The following BRCA2 variants were observed in gnomAD, a reference collection of about 807,000 sequenced individuals.
The protein encoded by BRCA2 is breast cancer type 2 susceptibility protein.
A neutral mutation model predicts 276.7 loss-of-function variants in BRCA2; 203 were observed. That is an observed-to-expected ratio of 0.73 (90% confidence interval 0.65 to 0.82). The LOEUF is 0.82. Among genes scored for constraint, BRCA2 ranks in the 40% least tolerant of loss-of-function variants. BRCA2 has a pLI of 0.00. For synonymous variants in BRCA2, 1,289 were observed against 1,338.4 expected (o/e 0.96, Z 0.81); for missense variants, 3,920 against 3,915.0 (o/e 1.00, Z -0.03).
chr13:32,353,602 TTGTC>T (rs1399828764), intron 13 of BRCA2, among the ~76,000 whole-genome samples: 1 of 152,206 alleles, frequency 6.6e-6, no homozygotes, highest in African/African-American at 2.4e-5. Context: ...ACATATTTGT[TTGTC>T]TGTTTCCTTC....
At chr13:32,390,922 CT>C (rs1402080022) in intron 24 of BRCA2, among the ~76,000 whole-genome samples, 1 of 152,192 alleles carries the variant, frequency 6.6e-6, no homozygotes, top group East Asian at 1.9e-4. Flanking sequence ...TATCATCCCA[CT>C]TTACAGATGG....
chr13:32,341,841 C>T (rs1156644731), intron 11 of BRCA2, among the ~76,000 whole-genome samples: 2 of 150,582 alleles, frequency 1.3e-5, no homozygotes, highest in East Asian at 2.0e-4. Flanking sequence ...GCACTCCAGC[C>T]TGGGCGACAG....
rs562881210 is a variant in BRCA2, at chr13:32,398,431, C to A, written c.9918C>A (p.Thr3306=). ...KAFQPPRSCG[T]KYETPIKKKE... ...TTCAGCCACCAAGGAGTTGTGGCACCAAATACGAAACACCCATAAAGAAAA... is the reference window on the plus strand; with the variant it reads ...TTCAGCCACCAAGGAGTTGTGGCACAAAATACGAAACACCCATAAAGAAAA... Residue 3306 remains threonine, a synonymous_variant, in exon 27 of 27, where the codon ACC becomes ACA. Coordinates refer to ENST00000380152, the MANE Select transcript of BRCA2 (RefSeq NM_000059.4). The A allele has an allele frequency of 3.1e-6, 5 of 1,614,126 alleles. No homozygotes were observed. Among genetic ancestry groups the A allele is most frequent in the South Asian group, 2.2e-5 (2 of 91,088 alleles).
Position 32,326,255 on chromosome 13 carries a change from T to TG in BRCA2, c.489_490insG (p.Leu164ValfsTer19), listed in dbSNP as rs120074205. The TG allele has an allele frequency of 6.2e-7, 1 of 1,613,294 alleles. No homozygotes were observed. Among genetic ancestry groups the TG allele is most frequent in the African/African-American group, 1.3e-5 (1 of 74,876 alleles). On this transcript the variant is annotated frameshift_variant, in exon 6 of 27. Coordinates refer to ENST00000380152, the MANE Select transcript of BRCA2 (RefSeq NM_000059.4). LOFTEE classifies it high-confidence loss of function. The stretch of plus-strand genomic sequence containing the variant: ...TTTTACCCCCAGTGGTATGTGGGAG[T>TG]TTGTTTCATACACCAAAGTTTGTGA...
At chr13:32,317,989 A>G (rs757324626) in intron 2 of BRCA2, among the ~76,000 whole-genome samples, 2 of 152,216 alleles carry the variant, frequency 1.3e-5, no homozygotes, top group Non-Finnish European at 2.9e-5. Flanking sequence ...TTTGTCAGAG[A>G]TTATTAAAAG....
chr13:32,372,225 C>T (rs1382204448), intron 20 of BRCA2, among the ~76,000 whole-genome samples: 1 of 152,168 alleles, frequency 6.6e-6, no homozygotes, highest in Non-Finnish European at 1.5e-5. Flanking sequence ...TATTCTAAAT[C>T]CTTTGTTGTC....
chr13:32,335,302 G>A (rs2072439535), intron 10 of BRCA2, among the ~76,000 whole-genome samples: 1 of 143,680 alleles, frequency 7.0e-6, no homozygotes, highest in Admixed American at 7.3e-5. Context: ...CTGAGATCAC[G>A]CCACTGCACT....
chr13:32,336,148 T>C (rs1268743562), intron 10 of BRCA2, 117 bp from the exon 11 acceptor site: 4 of 1,176,932 alleles, frequency 3.4e-6, no homozygotes, highest in Non-Finnish European at 4.7e-6. Flanking sequence ...CCAAAAGTGC[T>C]GAGATTACAG....
chr13:32,333,811 C>T (rs2072429051), intron 10 of BRCA2, among the ~76,000 whole-genome samples: 1 of 152,140 alleles, frequency 6.6e-6, no homozygotes, highest in Admixed American at 6.6e-5. Context: ...GTGTTGTTCC[C>T]CTCCCTGTGT....
rs80358718 is a variant in BRCA2, at chr13:32,339,280, A to C, written c.4925A>C (p.Asn1642Thr). The C allele has an allele frequency of 2.5e-6, 4 of 1,608,150 alleles. No homozygotes were observed. Residue 1642 changes from asparagine (N) to threonine (T), a missense_variant, in exon 11 of 27, where the codon AAT (asparagine) becomes ACT (threonine). Coordinates refer to ENST00000380152, the MANE Select transcript of BRCA2 (RefSeq NM_000059.4). ...SIFLKVKVHENVEKETAKSPA... is the reference protein window; with the variant it reads ...SIFLKVKVHETVEKETAKSPA... ...TTTTTGAAAGTTAAAGTACATGAAA[A>C]TGTAGAAAAAGAAACAGCAAAAAGT...
chr13:32,369,298 T>C (rs1449843058), intron 18 of BRCA2, among the ~76,000 whole-genome samples: 1 of 152,088 alleles, frequency 6.6e-6, no homozygotes, highest in Admixed American at 6.5e-5. Flanking sequence ...CCTGGCTACT[T>C]GGGATAGGAA....
chr13:32,368,048 CT>C (rs2072797687), intron 18 of BRCA2, among the ~76,000 whole-genome samples: 1 of 98,854 alleles, frequency 1.0e-5, no homozygotes, highest in Admixed American at 1.7e-4. Flanking sequence ...GAGATGGAGT[CT>C]CGCACTGTCG....
rs41293513 is a variant in BRCA2, at chr13:32,363,370, A to G, written c.8168A>G (p.Asp2723Gly). The change falls in exon 18 of 27, where the codon GAT (aspartate) becomes GGT (glycine). Residue 2723 changes from aspartate (D) to glycine (G), a missense_variant. Physicochemically the swap from Asp to Gly is moderately conservative, Grantham distance 94. This residue lies in a region of BRCA2 where 3,263 missense variants were observed against 3,156.9 expected (regional missense o/e 1.03). Coordinates refer to ENST00000380152, the MANE Select transcript of BRCA2 (RefSeq NM_000059.4). ...TQKVAIIELT[D>G]GWYAVKAQLD... ...AAAGTGGCCATTATTGAACTTACAG[A>G]TGGGTGGTATGCTGTTAAGGCCCAG... 1 of 1,614,162 alleles carries G rather than the reference A, an allele frequency of 6.2e-7. No individual in the cohort carries two copies. Among genetic ancestry groups the G allele is most frequent in the Non-Finnish European group, 8.5e-7 (1 of 1,180,024 alleles).
intron 11 of BRCA2, among the ~76,000 whole-genome samples, chr13:32,344,030 C>T (rs2072591882): frequency 6.6e-6 from 1 of 151,962 alleles, no homozygotes; most frequent in Admixed American, 6.6e-5. Flanking sequence ...CTCTTAGCCT[C>T]TGTAGAATTT....
intron 16 of BRCA2, among the ~76,000 whole-genome samples, chr13:32,360,368 T>C (rs1286288948): frequency 2.6e-5 from 4 of 152,216 alleles, no homozygotes; most frequent in Admixed American, 2.6e-4. Flanking sequence ...TAACATGATC[T>C]GACTTTTTTT....
At position 32,355,054 on chromosome 13, in the gene BRCA2, A is replaced by G. The variant is rs1555286036; in HGVS notation, c.7201A>G (p.Arg2401Gly). The G allele has an allele frequency of 6.2e-7, 1 of 1,614,106 alleles. No homozygotes were observed. Among genetic ancestry groups the G allele is most frequent in the Non-Finnish European group, 8.5e-7 (1 of 1,179,958 alleles). Residue 2401 changes from arginine (R) to glycine (G), a missense_variant, in exon 14 of 27, where the codon AGA becomes GGA. Arg to Gly is a moderately radical substitution (Grantham distance 125). This residue lies in a region of BRCA2 where 3,263 missense variants were observed against 3,156.9 expected (regional missense o/e 1.03). Coordinates refer to ENST00000380152, the MANE Select transcript of BRCA2 (RefSeq NM_000059.4). Reference protein sequence around the residue: ...EKMRHLITTGRPTKVFVPPFK... With the variant: ...EKMRHLITTGGPTKVFVPPFK... ...AATGAGACACTTGATTACTACAGGC[A>G]GACCAACCAAAGTCTTTGTTCCACC... is the stretch of plus-strand genomic sequence containing the variant.
rs1566233236 is a variant in BRCA2 at position 32,340,150 on chromosome 13, A to T, written c.5795A>T (p.His1932Leu). 6.2e-7 allele frequency: 1 copy of T among 1,613,236 alleles called. No homozygotes were observed. The highest frequency in any genetic ancestry group is 1.1e-5 in the South Asian group (1 of 90,982). The part of the protein sequence containing the change: ...ADIQSEEILQ[H>L]NQNMSGLEKV... ...ATTCAGAGTGAAGAAATTTTACAAC[A>T]TAACCAAAATATGTCTGGATTGGAG... The change falls in exon 11 of 27, where the codon CAT (histidine) becomes CTT (leucine). Residue 1932 changes from histidine (H) to leucine (L), a missense_variant. By Grantham distance (99) the His-to-Leu change is moderately conservative. Transcript: ENST00000380152.
At chr13:32,383,146 G>A (rs1470585963) in intron 24 of BRCA2, among the ~76,000 whole-genome samples, 3 of 97,058 alleles carry the variant, frequency 3.1e-5, no homozygotes, top group African/African-American at 7.3e-5. Flanking sequence ...GGATCACGAG[G>A]TCAGGAGATG....
chr13:32,368,799 T>G lies in BRCA2; in HGVS notation c.8332-1603T>G, dbSNP rs12869093. 0.28 allele frequency among the ~76,000 whole-genome samples: 11,349 copies of G among 40,620 alleles called. 572 individuals are homozygous for G. The highest frequency in any genetic ancestry group is 0.33 in the Non-Finnish European group (7,488 of 22,660). 26.6% of individuals were successfully genotyped at this position (40,620 alleles called of 152,430 possible). ...TTGTTGTTTGTTTTTTGTTTTTTTG[T>G]TTTTTTTTTGGTTTTTTTTGTTTTT... is the stretch of plus-strand genomic sequence containing the variant. On this transcript the variant is annotated intron_variant, in intron 18 of 26. Transcript: ENST00000380152.
Sources: allele counts gnomAD v4.1 joint callset (sites outside exome capture counted in the v4.1 genomes callset), GRCh38; gene constraint gnomAD v4.1.1; regional missense constraint gnomAD v4.1.1; transcripts MANE v1.5; gene names NCBI Gene and HGNC (gene_info 2026-07-23, HGNC 2026-07-21).